Variants in IL34 observed in about 807,000 individuals in gnomAD.
IL34 encodes interleukin-34.
IL34 carries 17 observed loss-of-function variants against 25.3 expected under a neutral mutation model. The ratio of observed to expected loss-of-function variants is 0.67; its 90% CI spans 0.46 to 1.01. The LOEUF is 1.01. Ranked by LOEUF, IL34 falls within the 50% of genes least tolerant of loss-of-function variation. The pLI, the probability that IL34 is intolerant of heterozygous loss-of-function variation, is 0.00. For synonymous variants in IL34, 174 were observed against 140.9 expected (o/e 1.23, Z -1.66); for missense variants, 368 against 312.9 (o/e 1.18, Z -1.33).
chr16:70,645,802 C>T (rs555099082), upstream of IL34, among the ~76,000 whole-genome samples: 1 of 152,110 alleles, frequency 6.6e-6, no homozygotes, highest in African/African-American at 2.4e-5. Context: ...GCCTGTAATC[C>T]CAGCACTTTG....
At chr16:70,585,423 T>C (rs1327147953) in intron 1 of IL34, among the ~76,000 whole-genome samples, 1 of 151,980 alleles carries the variant, frequency 6.6e-6, no homozygotes, top group Non-Finnish European at 1.5e-5. Flanking sequence ...CTGGGCGCGG[T>C]GGCTCACGCC....
intron 1 of IL34, among the ~76,000 whole-genome samples, chr16:70,594,410 G>C (rs1363795232): frequency 1.3e-5 from 2 of 152,116 alleles, no homozygotes; most frequent in African/African-American, 4.8e-5. Flanking sequence ...TTTCAAATAG[G>C]TAATATGTGC....
In IL34 at chr16:70,659,630, A is replaced by T; in HGVS notation, c.415A>T (p.Ser139Cys). ...VQQGLTDVEV[S>C]PKVESVLSLL... ...TCCTCCTTTCCAGGATGTGGAGGTC[A>T]GCCCCAAGGTGGAATCCGTGTTGTC... Residue 139 changes from serine (S) to cysteine (C), a missense_variant, in exon 5 of 6, where the codon AGC (serine) becomes TGC (cysteine). Physicochemically the swap from Ser to Cys is moderately radical, Grantham distance 112. Coordinates refer to ENST00000288098, the MANE Select transcript of IL34 (RefSeq NM_001393494.1). 6.2e-7 allele frequency: 1 copy of T among 1,608,032 alleles called. No individual in the cohort carries two copies. Among genetic ancestry groups the T allele is most frequent in the Non-Finnish European group, 8.5e-7 (1 of 1,175,694 alleles).
rs2052168290 is a variant in IL34, at chr16:70,654,660, C to T, written c.151C>T (p.Leu51Phe). The T allele has an allele frequency of 6.2e-7, 1 of 1,607,758 alleles. No homozygotes were observed. Among genetic ancestry groups the T allele is most frequent in the Admixed American group, 1.7e-5 (1 of 59,760 alleles). Reference protein sequence around the residue: ...LRDKLQYRSRLQYMKHYFPIN... With the variant: ...LRDKLQYRSRFQYMKHYFPIN... ...GGACAAGCTGCAGTACAGGAGCCGA[C>T]TTCAGTACATGGTAACCACGTGGGC... Residue 51 changes from leucine to phenylalanine, a missense_variant, in exon 2 of 6, where the codon CTT (leucine) becomes TTT (phenylalanine). Leu to Phe is a conservative substitution (Grantham distance 22). Coordinates refer to ENST00000288098, the MANE Select transcript of IL34 (RefSeq NM_001393494.1).
intron 1 of IL34, among the ~76,000 whole-genome samples, chr16:70,649,878 A>G (rs1176243121): frequency 6.6e-6 from 1 of 152,082 alleles, no homozygotes; most frequent in African/African-American, 2.4e-5. Flanking sequence ...AGCTCACTGC[A>G]TCCTCTGCCT....
At chr16:70,656,192 C>A (rs1048528522) in intron 2 of IL34, among the ~76,000 whole-genome samples, 3 of 152,162 alleles carry the variant, frequency 2.0e-5, no homozygotes, top group Non-Finnish European at 4.4e-5. Context: ...CTGCACAGGA[C>A]CACCTCTGCC....
At chr16:70,599,543 T>C (rs2050884567) in intron 1 of IL34, among the ~76,000 whole-genome samples, 2 of 151,630 alleles carry the variant, frequency 1.3e-5, no homozygotes, top group Non-Finnish European at 2.9e-5. Flanking sequence ...TTTTTTTTTT[T>C]TTTTAGTAGA....
chr16:70,580,588 C>T (rs139969446), intron 1 of IL34, among the ~76,000 whole-genome samples: 4,855 of 152,186 alleles, frequency 0.032, 291 homozygotes, highest in African/African-American at 0.11. Flanking sequence ...TGAGACCAGC[C>T]TGGCCAACAA....
chr16:70,596,878 C>T (rs1046658380), intron 1 of IL34, among the ~76,000 whole-genome samples: 7 of 152,016 alleles, frequency 4.6e-5, no homozygotes, highest in South Asian at 2.1e-4. Context: ...TGAGCCACCG[C>T]GACCAGCCTC....
Position 70,621,250 on chromosome 16 carries a change from G to A in IL34, c.-400-25298G>A, listed in dbSNP as rs539921711. ...AGCGTGCCTGTATAATCAGAGAGGCGTCCCTGCAATGATTAAACACCAAGG... is the reference window on the plus strand; with the variant it reads ...AGCGTGCCTGTATAATCAGAGAGGCATCCCTGCAATGATTAAACACCAAGG... On this transcript the variant is annotated intron_variant, in intron 1 of 6. Transcript: ENST00000429149. Among the ~76,000 whole-genome samples the A allele has an allele frequency of 3.3e-4, 50 of 152,242 alleles. 1 individual carries two copies. Among genetic ancestry groups the A allele is most frequent in the Admixed American group, 2.5e-3 (38 of 15,284 alleles).
chr16:70,593,238 A>G (rs2050777663), intron 1 of IL34, among the ~76,000 whole-genome samples: 1 of 152,128 alleles, frequency 6.6e-6, no homozygotes, highest in African/African-American at 2.4e-5. Flanking sequence ...CAAATATTTT[A>G]TCATTTTTCC....
At chr16:70,629,919 C>A (rs570505199) in intron 1 of IL34, among the ~76,000 whole-genome samples, 1 of 152,134 alleles carries the variant, frequency 6.6e-6, no homozygotes, top group Non-Finnish European at 1.5e-5. Context: ...ACTCTAGTCA[C>A]CCTGTTGTGT....
At chr16:70,587,157 G>T (rs2050704426) in intron 1 of IL34, among the ~76,000 whole-genome samples, 1 of 152,166 alleles carries the variant, frequency 6.6e-6, no homozygotes, top group Non-Finnish European at 1.5e-5. Flanking sequence ...CAGGCCCTGG[G>T]TGGAGATCAA....
At chr16:70,595,620 C>T (rs1458763897) in intron 1 of IL34, among the ~76,000 whole-genome samples, 1 of 152,066 alleles carries the variant, frequency 6.6e-6, no homozygotes, top group African/African-American at 2.4e-5. Context: ...GCCAGGGCTC[C>T]TCTCTCATTT....
At position 70,628,636 on chromosome 16, in the gene IL34, G is replaced by A. The variant is rs1407406918; in HGVS notation, c.-400-17912G>A. 4.0e-5 allele frequency among the ~76,000 whole-genome samples: 6 copies of A among 151,712 alleles called. No homozygotes were observed. In the South Asian group the frequency reaches 8.3e-4, roughly 21 times the overall value. On this transcript the variant is annotated intron_variant, in intron 1 of 6. Transcript: ENST00000429149. ...CAAGCAGCTGGGATTACAGGCACCC[G>A]CCACCATGCCTGGCTAATTTTTGTA...
intron 1 of IL34, among the ~76,000 whole-genome samples, chr16:70,638,831 C>A (rs1009188438): frequency 1.3e-5 from 2 of 152,184 alleles, no homozygotes; most frequent in Non-Finnish European, 1.5e-5. Flanking sequence ...ATCCTCTTGC[C>A]TCAGCCTCCG....
upstream of IL34, among the ~76,000 whole-genome samples, chr16:70,645,423 C>T (rs768792983): frequency 6.6e-6 from 1 of 152,102 alleles, no homozygotes; most frequent in Non-Finnish European, 1.5e-5. Flanking sequence ...TAGCCATTTT[C>T]CCCCACCAGA....
In IL34 at chr16:70,654,769, C is replaced by T. The variant is rs542686087; in HGVS notation, c.162+98C>T. 6.3e-6 allele frequency: 9 copies of T among 1,422,914 alleles called. No individual in the cohort carries two copies. In the African/African-American group the frequency reaches 8.5e-5, roughly 13 times the overall value. The allele number at this position is 1,422,914 out of a possible 1,614,324, so 88.1% of individuals were successfully genotyped here. A position where few individuals can be genotyped will look rare whatever the true frequency, so the allele number is the denominator to read the frequency against. On this transcript the variant is annotated intron_variant, in intron 2 of 5. Transcript: ENST00000288098. ...TCAGAGCCCTTCTTAGGACCTGTGT[C>T]AGCCCTGAGCCGACCATGGCCTGTT...
In IL34 at chr16:70,624,592, T is replaced by C. The variant is rs547603675; in HGVS notation, c.-400-21956T>C. 6.4e-3 allele frequency among the ~76,000 whole-genome samples: 977 copies of C among 152,218 alleles called. 3 individuals are homozygous for C. Among genetic ancestry groups the C allele is most frequent in the Non-Finnish European group, 0.011 (745 of 68,002 alleles). The stretch of plus-strand genomic sequence containing the variant: ...TCATGAACTGGGCTGGATTTTTATA[T>C]TTGATGAAAAAGAGCCTAAACGCTA... On this transcript the variant is annotated intron_variant, in intron 1 of 6. Transcript: ENST00000429149.
Sources: allele counts gnomAD v4.1 joint callset (sites outside exome capture counted in the v4.1 genomes callset), GRCh38; gene constraint gnomAD v4.1.1; transcripts MANE v1.5; gene names NCBI Gene and HGNC (gene_info 2026-07-23, HGNC 2026-07-21).